Variants in KSR2 observed in about 807,000 individuals in gnomAD.
KSR2 encodes the protein kinase suppressor of ras 2.
In KSR2, 25 loss-of-function variants were observed where a neutral mutation model predicts 107.8. The ratio of observed to expected loss-of-function variants is 0.23; its 90% CI spans 0.17 to 0.32. The LOEUF is 0.32. Among genes scored for constraint, KSR2 ranks in the 10% least tolerant of loss-of-function variants. KSR2 has a pLI of 1.00. For synonymous variants in KSR2, 480 were observed against 507.0 expected, an observed-to-expected ratio of 0.95 and a Z score of 0.71; for missense variants, 887 against 1,268.9, an observed-to-expected ratio of 0.70 and a Z score of 4.57.
intron 1 of KSR2, among the ~76,000 whole-genome samples, chr12:117,912,876 G>A (rs758352260): frequency 7.2e-5 from 11 of 152,208 alleles, no homozygotes; most frequent in Non-Finnish European, 1.5e-4. Flanking sequence ...CGTAAAGATA[G>A]TGAAATGCCA....
intron 4 of KSR2, among the ~76,000 whole-genome samples, chr12:117,698,481 A>AC (rs1565967318): frequency 1.3e-5 from 2 of 148,808 alleles, no homozygotes; most frequent in African/African-American, 4.9e-5. Context: ...ACTCCCAGCT[A>AC]TTTTTTTTTT....
At chr12:117,615,441 A>T (rs1173753857) in intron 5 of KSR2, among the ~76,000 whole-genome samples, 1 of 152,166 alleles carries the variant, frequency 6.6e-6, no homozygotes, top group Non-Finnish European at 1.5e-5. Flanking sequence ...CCAAGTCTTC[A>T]GTCTTCAGTA....
intron 1 of KSR2, among the ~76,000 whole-genome samples, chr12:117,954,970 T>G (rs948887597): frequency 4.1e-5 from 6 of 147,856 alleles, no homozygotes; most frequent in Non-Finnish European, 8.9e-5. Context: ...TGAGCTGAGA[T>G]CGCGCCACTG....
At chr12:117,888,253 T>C (rs528410239) in intron 1 of KSR2, among the ~76,000 whole-genome samples, 3 of 152,270 alleles carry the variant, frequency 2.0e-5, no homozygotes, top group Admixed American at 6.5e-5. Context: ...CTGGGAATAT[T>C]CAAAGACACA....
chr12:117,758,402 G>T (rs918662540), intron 4 of KSR2, among the ~76,000 whole-genome samples: 2 of 152,062 alleles, frequency 1.3e-5, no homozygotes, highest in African/African-American at 4.8e-5. Context: ...GAACCTGGAG[G>T]CATGGTCCCA....
chr12:117,854,393 C>T (rs566720544), intron 3 of KSR2, among the ~76,000 whole-genome samples: 5 of 152,300 alleles, frequency 3.3e-5, no homozygotes, highest in South Asian at 4.1e-4. Context: ...AGGACTGGGC[C>T]GATGACCTGT....
chr12:117,941,613 CTTTTTTTTTTTTTTTTTT>C (rs139487553), intron 1 of KSR2, among the ~76,000 whole-genome samples: 3 of 52,926 alleles, frequency 5.7e-5, no homozygotes, highest in African/African-American at 2.5e-4. Flanking sequence ...ACAGGCTTTC[CTTTTTTTTTTTTTTTTTT>C]TTTTTTTTTT....
At chr12:117,697,115 C>A (rs868497127) in intron 4 of KSR2, among the ~76,000 whole-genome samples, 8 of 152,182 alleles carry the variant, frequency 5.3e-5, no homozygotes, top group Admixed American at 5.2e-4. Flanking sequence ...AGAGAACAAA[C>A]GAAGCTGCTT....
intron 5 of KSR2, among the ~76,000 whole-genome samples, chr12:117,640,355 ACT>A (rs1367529083): frequency 3.1e-4 from 47 of 150,974 alleles, no homozygotes; most frequent in Admixed American, 3.0e-3. Flanking sequence ...AGTTCAAGTG[ACT>A]CTCCCACCTC....
At chr12:117,630,139 C>T (rs1349901053) in intron 5 of KSR2, among the ~76,000 whole-genome samples, 15 of 152,198 alleles carry the variant, frequency 9.9e-5, no homozygotes, top group Admixed American at 9.8e-4. Context: ...AGGTGTTGCA[C>T]ATGCCTAATG....
chr12:117,501,036 G>A (rs1055537888), intron 14 of KSR2, among the ~76,000 whole-genome samples: 1 of 152,222 alleles, frequency 6.6e-6, no homozygotes, highest in African/African-American at 2.4e-5. Flanking sequence ...ACTATGGCCC[G>A]CGGGCCAAAA....
At position 117,527,318 on chromosome 12, in the gene KSR2, C is replaced by CAG. The variant is rs1345639678; in HGVS notation, c.1803-200_1803-199insCT. Among the ~76,000 whole-genome samples, 153 of 134,010 alleles carry CAG rather than the reference C, an allele frequency of 1.1e-3. 1 individual carries two copies. Among genetic ancestry groups the CAG allele is most frequent in the African/African-American group, 4.9e-3 (143 of 29,398 alleles). The allele number at this position is 134,010 out of a possible 152,430, so 87.9% of individuals were successfully genotyped here. On this transcript the variant is annotated intron_variant, in intron 12 of 19. Transcript: ENST00000339824. ...ACACACACAGACACACACACACACA[C>CAG]ACACACAGACACACACACACACACA...
chr12:117,579,177 G>T lies in KSR2; in HGVS notation c.1267C>A (p.Gln423Lys). 1 of 1,613,672 alleles carries T rather than the reference G, an allele frequency of 6.2e-7. No individual in the cohort carries two copies. The highest frequency in any genetic ancestry group is 8.5e-7 in the Non-Finnish European group (1 of 1,179,740). Residue 423 changes from glutamine (Q) to lysine (K), a missense_variant, in exon 7 of 20, where the codon CAG (glutamine) becomes AAG (lysine). This residue lies in a region of KSR2 where 12 missense variants were observed against 48.1 expected (regional missense o/e 0.25). Coordinates refer to ENST00000339824, the MANE Select transcript of KSR2 (RefSeq NM_173598.6). ...HRFSTKYWMS[Q>K]TCTVCGKGML... ...CCTTTCCCACAGACTGTGCACGTCT[G>T]AGACATCCAGTACTTGGTGGAAAAC...
At chr12:117,816,759 G>A (rs907232681) in intron 3 of KSR2, among the ~76,000 whole-genome samples, 11 of 152,134 alleles carry the variant, frequency 7.2e-5, no homozygotes, top group Non-Finnish European at 1.3e-4. Flanking sequence ...TAGAAGGCAG[G>A]GCATTATTTT....
At chr12:117,899,031 C>T (rs371043006) in intron 1 of KSR2, among the ~76,000 whole-genome samples, 10 of 152,054 alleles carry the variant, frequency 6.6e-5, no homozygotes, top group East Asian at 1.9e-4. Flanking sequence ...AGAATCTTGG[C>T]GCAGATGATC....
chr12:117,659,509 T>C (rs1160293033), intron 5 of KSR2, among the ~76,000 whole-genome samples: 1 of 152,134 alleles, frequency 6.6e-6, no homozygotes, highest in Non-Finnish European at 1.5e-5. Context: ...ACACGCTAAC[T>C]TCCTTTGAAC....
chr12:117,701,972 G>C (rs1481969735), intron 4 of KSR2, among the ~76,000 whole-genome samples: 1 of 152,168 alleles, frequency 6.6e-6, no homozygotes, highest in Non-Finnish European at 1.5e-5. Flanking sequence ...TTTGTTATAG[G>C]AGCCACAGGA....
intron 14 of KSR2, among the ~76,000 whole-genome samples, chr12:117,505,898 C>T (rs1224133457): frequency 6.6e-6 from 1 of 152,154 alleles, no homozygotes; most frequent in African/African-American, 2.4e-5. Flanking sequence ...TCAGTCAGTC[C>T]CTTTCTCTGA....
In KSR2 at chr12:117,927,778, C is replaced by A. The variant is rs145385852; in HGVS notation, c.180+40298G>T. On this transcript the variant is annotated intron_variant, in intron 1 of 19. Transcript: ENST00000339824. ...GAAAGCAAAGTCATCAATGTGTACTCGTATAAAATTAGCATCTAGAAAGTC... is the reference window on the plus strand; with the variant it reads ...GAAAGCAAAGTCATCAATGTGTACTAGTATAAAATTAGCATCTAGAAAGTC... Among the ~76,000 whole-genome samples the A allele has an allele frequency of 6.2e-3, 942 of 152,264 alleles. 6 individuals carry two copies. The highest frequency in any genetic ancestry group is 0.02 in the South Asian group (97 of 4,824).
Sources: gnomAD v4.1 joint callset for allele counts (sites outside exome capture counted in the v4.1 genomes callset) on GRCh38, gnomAD v4.1.1 for gene constraint, gnomAD v4.1.1 regional missense constraint, MANE v1.5 for transcripts, NCBI Gene and HGNC (gene_info 2026-07-23, HGNC 2026-07-21) for gene names.